SEMA5B: variants seen among roughly 807,000 people sequenced by gnomAD.
SEMA5B encodes the protein semaphorin-5B.
SEMA5B carries 66 observed loss-of-function variants against 135.0 expected under a neutral mutation model. That is an observed-to-expected ratio of 0.49 (90% CI 0.40 to 0.60). The LOEUF (loss-of-function observed/expected upper bound fraction) is 0.60, where lower values mean the gene tolerates loss of function less well. Among genes scored for constraint, SEMA5B ranks in the 20% least tolerant of loss-of-function variants. The pLI is 0.00. For missense variants in SEMA5B, 1,501 were observed against 1,566.3 expected (o/e 0.96, Z 0.70); for synonymous variants, 690 against 639.5 (o/e 1.08, Z -1.19).
Position 122,926,507 on chromosome 3 carries a change from T to C in SEMA5B, c.1021A>G (p.Lys341Glu). The change falls in exon 9 of 23, where the codon AAG (lysine) becomes GAG (glutamate). Residue 341 changes from lysine to glutamate, a missense_variant. Transcript: ENST00000357599. ...LLEDTWTTFM[K>E]ARLNCSRPGE... is the part of the protein sequence containing the mutation. ...GGGCGGGAGCAGTTGAGCCGGGCCTTCATGAATGTGGTCCATGTGTCCTCC... is the reference window on the plus strand; with the variant it reads ...GGGCGGGAGCAGTTGAGCCGGGCCTCCATGAATGTGGTCCATGTGTCCTCC... 1 of 1,614,248 alleles carries C rather than the reference T, an allele frequency of 6.2e-7. No homozygotes were observed. Among genetic ancestry groups the C allele is most frequent in the Non-Finnish European group, 8.5e-7 (1 of 1,180,048 alleles).
At chr3:122,953,262 G>A (rs1051799030) in intron 2 of SEMA5B, among the ~76,000 whole-genome samples, 1 of 151,602 alleles carries the variant, frequency 6.6e-6, no homozygotes, top group African/African-American at 2.4e-5. Flanking sequence ...AGGCCTCTCT[G>A]CCTCCCCGCC....
intron 2 of SEMA5B, among the ~76,000 whole-genome samples, chr3:122,960,541 T>C (rs1310640750): frequency 1.3e-5 from 2 of 152,204 alleles, no homozygotes; most frequent in African/African-American, 4.8e-5. Flanking sequence ...AGTAGCATTA[T>C]TTACAATAGC....
At chr3:122,952,088 C>T (rs190375248) in intron 2 of SEMA5B, among the ~76,000 whole-genome samples, 201 of 152,292 alleles carry the variant, frequency 1.3e-3, no homozygotes, top group Non-Finnish European at 2.4e-3. Context: ...TTTTGATCCC[C>T]TTATCCTCAG....
chr3:123,020,221 G>A (rs1458589811), intron 1 of SEMA5B, among the ~76,000 whole-genome samples: 1 of 152,120 alleles, frequency 6.6e-6, no homozygotes, highest in Non-Finnish European at 1.5e-5. Flanking sequence ...ATAAATTATG[G>A]CGCATCCGTA....
intron 2 of SEMA5B, among the ~76,000 whole-genome samples, chr3:122,950,001 C>G (rs975244267): frequency 6.6e-6 from 1 of 152,220 alleles, no homozygotes; most frequent in African/African-American, 2.4e-5. Context: ...TAAGTTCTTT[C>G]TCTATTGCAA....
chr3:122,932,551 C>T (rs953514425), intron 5 of SEMA5B, among the ~76,000 whole-genome samples: 20 of 152,174 alleles, frequency 1.3e-4, no homozygotes, highest in Admixed American at 3.9e-4. Flanking sequence ...TGACATCCCA[C>T]GGGAATAAGG....
In SEMA5B at chr3:122,972,765, C is replaced by A; in HGVS notation, c.-38-11464G>T. On this transcript the variant is annotated intron_variant, in intron 1 of 22. Transcript: ENST00000357599. ...CTTGCTACTCTTCACAACCACGATG[C>A]CATCAGATTCCCTGTGAAGTCTGCA... Among the ~76,000 whole-genome samples, 3 of 152,298 alleles carry A rather than the reference C, an allele frequency of 2.0e-5. No individual in the cohort carries two copies. The Middle Eastern group carries it at 0.01, about 518-fold the overall frequency.
chr3:123,026,418 C>A (rs1227585420), intron 1 of SEMA5B, among the ~76,000 whole-genome samples: 1 of 139,348 alleles, frequency 7.2e-6, no homozygotes, highest in Non-Finnish European at 1.5e-5. Context: ...GGCGGGCAGT[C>A]GGAACTACCC....
intron 1 of SEMA5B, among the ~76,000 whole-genome samples, chr3:122,986,267 T>C (rs963840544): frequency 1.3e-5 from 2 of 152,218 alleles, no homozygotes; most frequent in Non-Finnish European, 2.9e-5. Flanking sequence ...GGTGCTTTGA[T>C]AATGGGAAAC....
intron 2 of SEMA5B, among the ~76,000 whole-genome samples, chr3:122,954,406 T>G (rs939302085): frequency 6.6e-6 from 1 of 152,266 alleles, no homozygotes; most frequent in Non-Finnish European, 1.5e-5. Flanking sequence ...TTCCCGTTTT[T>G]ACTTAATCCC....
At position 122,911,072 on chromosome 3, in the gene SEMA5B, ATGAG is replaced by A. The variant is rs750305962; in HGVS notation, c.3092-31_3092-28del. 4 of 1,575,360 alleles carry A rather than the reference ATGAG, an allele frequency of 2.5e-6. No homozygotes were observed. The African/African-American group carries it at 5.4e-5, about 21-fold the overall frequency. On this transcript the variant is annotated intron_variant, in intron 21 of 22. Coordinates refer to ENST00000357599, the MANE Select transcript of SEMA5B (RefSeq NM_001031702.4). ...TAGGGGAAGAGAGGCAGGTAGTAAG[ATGAG>A]GGCCACTGTGAAGAGGACAGACTCC...
intron 1 of SEMA5B, among the ~76,000 whole-genome samples, chr3:123,003,420 T>A (rs1942230378): frequency 6.6e-6 from 1 of 151,568 alleles, no homozygotes; most frequent in South Asian, 2.1e-4. Flanking sequence ...ATAATTCACA[T>A]GAGAGGAACT....
intron 5 of SEMA5B, among the ~76,000 whole-genome samples, chr3:122,932,430 G>A (rs1035742721): frequency 2.0e-5 from 3 of 151,614 alleles, no homozygotes; most frequent in East Asian, 1.9e-4. Context: ...CCAGGCATTC[G>A]GGCTGTGAGA....
chr3:122,913,557 T>C lies in SEMA5B; in HGVS notation c.2257A>G (p.Asn753Asp). The C allele has an allele frequency of 6.2e-7, 1 of 1,612,648 alleles. No homozygotes were observed. The highest frequency in any genetic ancestry group is 1.1e-5 in the South Asian group (1 of 90,978). The change falls in exon 16 of 23, where the codon AAC (asparagine) becomes GAC (aspartate). Residue 753 changes from asparagine (N) to aspartate (D), a missense_variant. Around this residue, in one of 2 missense-constraint regions of SEMA5B, gnomAD observed 927 missense variants for 881.6 expected, o/e 1.05. Coordinates refer to ENST00000357599, the MANE Select transcript of SEMA5B (RefSeq NM_001031702.4). The stretch of plus-strand genomic sequence containing the variant: ...ACCACGCCGCAGCCCAGGCAGGAGT[T>C]GCCGTTCTCGCAGGCCCGACGCCGC... ...QSRRRACENGNSCLGCGVEFK... is the reference protein window; with the variant it reads ...QSRRRACENGDSCLGCGVEFK...
chr3:122,997,841 C>T lies in SEMA5B; in HGVS notation c.-39+29623G>A, dbSNP rs529353893. On this transcript the variant is annotated intron_variant, in intron 1 of 22. Transcript: ENST00000357599. ...CTCAGGCCAGGAGACCCTGCCCCTG[C>T]CCCACACCACCCAGAGTGGGCCTCT... Among the ~76,000 whole-genome samples the T allele has an allele frequency of 3.3e-5, 5 of 152,258 alleles. No homozygotes were observed. The South Asian group carries it at 1.0e-3, about 32-fold the overall frequency.
rs7647602 is a variant in SEMA5B at position 122,911,795 on chromosome 3, C to T, written c.3046+125G>A. On this transcript the variant is annotated intron_variant, in intron 20 of 22. Transcript: ENST00000357599. ...GGAGTTTTCTTTCGGCATCTCCTTC[C>T]CCCCACTTCCATGTTTCATCCTGTG... 3,878 of 1,265,278 alleles carry T rather than the reference C, an allele frequency of 3.1e-3. 99 individuals are homozygous for T. The African/African-American group carries it at 0.053, about 17-fold the overall frequency. The allele number at this position is 1,265,278 out of a possible 1,614,324, so 78.4% of individuals were successfully genotyped here.
chr3:122,927,969 T>TA lies in SEMA5B; in HGVS notation c.670_671insT (p.Asn224IlefsTer9). ...GTCATAGGGGCAGCGGGCCACACCA[T>TA]TGATCTTCTCAATAGTCCGGCTGAG... On this transcript the variant is annotated frameshift_variant, in exon 8 of 23. Coordinates refer to ENST00000357599, the MANE Select transcript of SEMA5B (RefSeq NM_001031702.4). LOFTEE classifies it high-confidence loss of function. 6.5e-7 allele frequency: 1 copy of TA among 1,535,900 alleles called. No homozygotes were observed. Among genetic ancestry groups the TA allele is most frequent in the Non-Finnish European group, 8.8e-7 (1 of 1,138,834 alleles).
At chr3:123,018,300 A>T (rs1262085087) in intron 1 of SEMA5B, among the ~76,000 whole-genome samples, 1 of 152,168 alleles carries the variant, frequency 6.6e-6, no homozygotes, top group Non-Finnish European at 1.5e-5. Flanking sequence ...TGTACTTTTC[A>T]CTCTGGGCTC....
At chr3:122,928,362 T>C (rs1323201607) in intron 7 of SEMA5B, among the ~76,000 whole-genome samples, 155 bp downstream of exon 7, 3 of 152,202 alleles carry the variant, frequency 2.0e-5, no homozygotes, top group African/African-American at 4.8e-5. Flanking sequence ...TCACTTATTG[T>C]TTATCTGAAC....
Sources: gnomAD v4.1 joint callset for allele counts (sites outside exome capture counted in the v4.1 genomes callset) on GRCh38, gnomAD v4.1.1 for gene constraint, gnomAD v4.1.1 regional missense constraint, MANE v1.5 for transcripts, NCBI Gene and HGNC (gene_info 2026-07-23, HGNC 2026-07-21) for gene names.